The following NTRK2 variants were observed in gnomAD, a reference collection of about 807,000 sequenced individuals.
NTRK2 encodes BDNF/NT-3 growth factors receptor.
Under a neutral mutation model 94.5 loss-of-function variants are expected in NTRK2, and 13 were observed. The ratio of observed to expected loss-of-function variants is 0.14; its 90% CI spans 0.09 to 0.22. NTRK2 has a LOEUF of 0.22. Ranked by LOEUF, NTRK2 falls within the 10% of genes least tolerant of loss-of-function variation. The probability of loss-of-function intolerance (pLI) is 1.00; values close to 1 mark genes in which losing one functional copy is unlikely to be tolerated. For missense variants in NTRK2, 639 were observed against 1,071.2 expected, an observed-to-expected ratio of 0.60 and a Z score of 5.63; for synonymous variants, 372 against 407.4, an observed-to-expected ratio of 0.91 and a Z score of 1.05.
intron 11 of NTRK2, among the ~76,000 whole-genome samples, chr9:84,746,299 G>A (rs187744006): frequency 6.6e-6 from 1 of 152,238 alleles, no homozygotes; most frequent in East Asian, 1.9e-4. Context: ...TACTGTCTGT[G>A]GCTGCTCTTG....
chr9:84,864,192 G>A (rs2075463926), intron 13 of NTRK2, among the ~76,000 whole-genome samples: 1 of 152,130 alleles, frequency 6.6e-6, no homozygotes, highest in African/African-American at 2.4e-5. Flanking sequence ...TGGGCCAGGG[G>A]AGAGTCAGAG....
At position 85,026,598 on chromosome 9, in the gene NTRK2, T is replaced by C. The variant is rs1178767514; in HGVS notation, c.*5161T>C. 1 of 232,864 alleles carries C rather than the reference T, an allele frequency of 4.3e-6. No homozygotes were observed. The highest frequency in any genetic ancestry group is 2.2e-5 in the African/African-American group (1 of 45,334). 14.4% of individuals were successfully genotyped at this position (232,864 alleles called of 1,614,324 possible). ...CAAATGACCAAATTATGGTGAACTATTGCTCCCTGCGTTCTTTGATCATTA... is the reference window on the plus strand; with the variant it reads ...CAAATGACCAAATTATGGTGAACTACTGCTCCCTGCGTTCTTTGATCATTA... On this transcript the variant is annotated 3_prime_UTR_variant, in exon 19 of 19. Transcript: ENST00000277120.
chr9:84,688,362 C>T (rs1289877673), intron 2 of NTRK2, among the ~76,000 whole-genome samples: 2 of 152,164 alleles, frequency 1.3e-5, no homozygotes, highest in Non-Finnish European at 2.9e-5. Flanking sequence ...TGCTCTGGAT[C>T]AGGGCAAGTG....
At chr9:84,872,657 T>C in intron 14 of NTRK2, 1 of 1,065,280 alleles carries the variant, frequency 9.4e-7, no homozygotes, top group Non-Finnish European at 1.1e-6. Context: ...TTAAAAATTT[T>C]CTCCAGAGTG....
At chr9:84,946,613 G>A (rs1395399464) in intron 15 of NTRK2, among the ~76,000 whole-genome samples, 1 of 152,208 alleles carries the variant, frequency 6.6e-6, no homozygotes, top group Non-Finnish European at 1.5e-5. Context: ...TCAGAGAGGT[G>A]GCAGCTGAAC....
chr9:84,867,816 A>G (rs2075664593), intron 14 of NTRK2, among the ~76,000 whole-genome samples: 1 of 152,204 alleles, frequency 6.6e-6, no homozygotes, highest in Non-Finnish European at 1.5e-5. Context: ...TAGCCTATAG[A>G]AAGTAATTGA....
intron 15 of NTRK2, among the ~76,000 whole-genome samples, chr9:84,941,132 G>A (rs2078394448): frequency 6.6e-6 from 1 of 152,192 alleles, no homozygotes; most frequent in Non-Finnish European, 1.5e-5. Context: ...TTTTAATAGT[G>A]TCTGTGATTG....
intron 16 of NTRK2, among the ~76,000 whole-genome samples, chr9:84,950,933 T>C (rs1187197466): frequency 6.6e-6 from 1 of 152,210 alleles, no homozygotes; most frequent in African/African-American, 2.4e-5. Flanking sequence ...TCTGTCTGCC[T>C]CTCATTTCCA....
chr9:84,855,560 A>G (rs2075023009), intron 12 of NTRK2, among the ~76,000 whole-genome samples: 1 of 151,464 alleles, frequency 6.6e-6, no homozygotes, highest in Admixed American at 6.6e-5. Flanking sequence ...TCATGGAGTC[A>G]GTTAATAAAA....
intron 4 of NTRK2, among the ~76,000 whole-genome samples, chr9:84,706,882 A>G (rs1025647656): frequency 6.6e-6 from 1 of 152,140 alleles, no homozygotes; most frequent in Admixed American, 6.5e-5. Flanking sequence ...CCTCGGCAGG[A>G]AACACACACT....
chr9:84,687,859 G>T (rs1281691355), intron 2 of NTRK2, among the ~76,000 whole-genome samples: 1 of 151,936 alleles, frequency 6.6e-6, no homozygotes, highest in Non-Finnish European at 1.5e-5. Context: ...TGTTTCAAGG[G>T]CACAAACAGA....
intron 14 of NTRK2, among the ~76,000 whole-genome samples, chr9:84,910,833 GTC>G (rs1176126216): frequency 6.6e-6 from 1 of 152,152 alleles, no homozygotes; most frequent in African/African-American, 2.4e-5. Context: ...GGTAGAATGA[GTC>G]TTCCCATTTT....
At chr9:84,894,530 C>T (rs777621280) in intron 14 of NTRK2, among the ~76,000 whole-genome samples, 18 of 152,142 alleles carry the variant, frequency 1.2e-4, no homozygotes, top group Non-Finnish European at 2.4e-4. Flanking sequence ...TACCCCACAA[C>T]CTCCACCTAA....
chr9:84,817,922 C>T (rs2072529259), intron 12 of NTRK2, among the ~76,000 whole-genome samples: 1 of 152,008 alleles, frequency 6.6e-6, no homozygotes, highest in Non-Finnish European at 1.5e-5. Flanking sequence ...CACTTTTTTC[C>T]TATCATTAAA....
At chr9:84,765,133 A>G (rs372622895) in intron 12 of NTRK2, among the ~76,000 whole-genome samples, 94 of 152,308 alleles carry the variant, frequency 6.2e-4, no homozygotes, top group African/African-American at 1.9e-3. Flanking sequence ...AATAAGACCT[A>G]CTGTCTGATC....
intron 12 of NTRK2, among the ~76,000 whole-genome samples, chr9:84,755,043 G>T (rs2064962275): frequency 6.6e-6 from 1 of 152,136 alleles, no homozygotes; most frequent in African/African-American, 2.4e-5. Context: ...TTATGGATTG[G>T]CCTGAGATCC....
chr9:84,907,667 T>C (rs1001155544), intron 14 of NTRK2, among the ~76,000 whole-genome samples: 3 of 151,384 alleles, frequency 2.0e-5, no homozygotes, highest in African/African-American at 7.3e-5. Context: ...ATTTTGCCTC[T>C]TCGGAGGCAT....
intron 12 of NTRK2, among the ~76,000 whole-genome samples, chr9:84,816,477 C>T (rs1016454226): frequency 6.6e-6 from 1 of 151,870 alleles, no homozygotes; most frequent in Non-Finnish European, 1.5e-5. Flanking sequence ...TATACTGCCC[C>T]TCTTATAAAA....
intron 12 of NTRK2, among the ~76,000 whole-genome samples, chr9:84,845,250 TAC>T (rs58910921): frequency 0.068 from 9,982 of 147,798 alleles, 417 homozygotes; most frequent in South Asian, 0.18. Context: ...ATGTGGTGTA[TAC>T]ACACACACAC....
Sources: allele counts gnomAD v4.1 joint callset (sites outside exome capture counted in the v4.1 genomes callset), GRCh38; gene constraint gnomAD v4.1.1; transcripts MANE v1.5; gene names NCBI Gene and HGNC (gene_info 2026-07-23, HGNC 2026-07-21).